Variants in SMPDL3B observed in about 807,000 individuals in gnomAD.
SMPDL3B encodes sphingomyelin phosphodiesterase acid like 3B.
A neutral mutation model predicts 37.9 loss-of-function variants in SMPDL3B; 31 were observed. The observed-to-expected ratio is 0.82, with a 90% CI of 0.61 to 1.10. The LOEUF is 1.10. SMPDL3B is among the 50% of genes least tolerant of loss of function. The pLI, the probability that SMPDL3B is intolerant of heterozygous loss-of-function variation, is 0.00. For synonymous variants in SMPDL3B, 235 were observed against 242.6 expected, an observed-to-expected ratio of 0.97 and a Z score of 0.29; for missense variants, 525 against 597.8, an observed-to-expected ratio of 0.88 and a Z score of 1.27.
At position 27,958,380 on chromosome 1, in the gene SMPDL3B, A is replaced by G; in HGVS notation, c.1006-96A>G. ...TCAATAACTACTAGTGGTCATGGTC[A>G]CTGCTCTAAAGAACTTGGGGGCAAA... On this transcript the variant is annotated intron_variant, in intron 7 of 7. Transcript: ENST00000373894. The surrounding 1 kb of genome is among the most constrained non-coding windows in gnomAD (Gnocchi z 5.6). 5 of 1,480,036 alleles carry G rather than the reference A, an allele frequency of 3.4e-6. No homozygotes were observed. The highest frequency in any genetic ancestry group is 4.5e-6 in the Non-Finnish European group (5 of 1,102,654). The allele number at this position is 1,480,036 out of a possible 1,614,324, so 91.7% of individuals were successfully genotyped here.
In SMPDL3B at chr1:27,945,385, ACTC is replaced by A. The variant is rs751294134; in HGVS notation, c.220_222del (p.Ser74del). 1.9e-6 allele frequency: 3 copies of A among 1,613,444 alleles called. No individual in the cohort carries two copies. In the African/African-American group the frequency reaches 4.0e-5, roughly 22 times the overall value. ...TGTGATTCTCCCTGGGCCCTCATCA[ACTC>A]CTCCATCTATGCCATGAAGGAGATT... On this transcript the variant is annotated inframe_deletion, in exon 2 of 8. Transcript: ENST00000373894. This position sits in a 1 kb window ranked among gnomAD's most constrained non-coding sequence, Gnocchi z 4.0.
In SMPDL3B at chr1:27,956,076, C is replaced by T. The variant is rs780997045; in HGVS notation, c.999C>T (p.Ser333=). 2 of 1,614,128 alleles carry T rather than the reference C, an allele frequency of 1.2e-6. No homozygotes were observed. Among genetic ancestry groups the T allele is most frequent in the Non-Finnish European group, 8.5e-7 (1 of 1,180,010 alleles). The change falls in exon 7 of 8, where the codon AGC becomes AGT. Residue 333 remains serine, a synonymous_variant. Transcript: ENST00000373894. ...RVFEYDRATL[S]LKDMVTYFMN... ...TCGAATATGACCGAGCCACACTGAG[C>T]CTGAAGGTCAGGAGTCCTGCGGAGG...
intron 1 of SMPDL3B, chr1:27,936,743 A>G (rs4988881): frequency 0.39 from 59,580 of 151,860 alleles, 12,121 homozygotes; most frequent in South Asian, 0.55. Flanking sequence ...TCCGGGCCGG[A>G]TGCGGTGGCT....
In SMPDL3B at chr1:27,935,137, C is replaced by G. The variant is rs375980057; in HGVS notation, c.-47C>G. ...CTTAGGAAGCCTGTGGTGAGAACAA[C>G]AACAGTGCCTGAGAATCCCACGGCT... On this transcript the variant is annotated 5_prime_UTR_variant, in exon 1 of 8. Coordinates refer to ENST00000373894, the MANE Select transcript of SMPDL3B (RefSeq NM_014474.4). 277 of 1,482,482 alleles carry G rather than the reference C, an allele frequency of 1.9e-4. No individual in the cohort carries two copies. Among genetic ancestry groups the G allele is most frequent in the Non-Finnish European group, 2.4e-4 (256 of 1,071,142 alleles). 91.8% of individuals were successfully genotyped at this position (1,482,482 alleles called of 1,614,324 possible). A position where few individuals can be genotyped will look rare whatever the true frequency, so the allele number is the denominator to read the frequency against.
chr1:27,945,342 C>G lies in SMPDL3B; in HGVS notation c.172C>G (p.Pro58Ala). The change falls in exon 2 of 8, where the codon CCC (proline) becomes GCC (alanine). Residue 58 changes from proline to alanine, a missense_variant. Coordinates refer to ENST00000373894, the MANE Select transcript of SMPDL3B (RefSeq NM_014474.4). This position sits in a 1 kb window ranked among gnomAD's most constrained non-coding sequence, Gnocchi z 4.0. ...AGSQPVPDAG[P>A]WGDYLCDSPW... The stretch of plus-strand genomic sequence containing the variant: ...ATCCCAGCCAGTGCCCGACGCAGGC[C>G]CCTGGGGTGACTACCTCTGTGATTC... 1 of 1,614,158 alleles carries G rather than the reference C, an allele frequency of 6.2e-7. No individual in the cohort carries two copies. Among genetic ancestry groups the G allele is most frequent in the South Asian group, 1.1e-5 (1 of 91,078 alleles).
intron 3 of SMPDL3B, among the ~76,000 whole-genome samples, 174 bp downstream of exon 3, chr1:27,949,336 C>T (rs1482224636): frequency 6.6e-6 from 1 of 152,218 alleles, no homozygotes; most frequent in Non-Finnish European, 1.5e-5. Flanking sequence ...AGCCCGAAGG[C>T]AACATGCAAG....
chr1:27,953,330 T>G lies in SMPDL3B; in HGVS notation c.489T>G (p.Ser163Arg). ...QIAELWKPWLSNESIALFKKG... is the reference protein window; with the variant it reads ...QIAELWKPWLRNESIALFKKG... ...CAGAACTATGGAAACCCTGGCTTAG[T>G]AATGAGTCCATCGCTCTCTTCAAAA... The change falls in exon 4 of 8, where the codon AGT (serine) becomes AGG (arginine). Residue 163 changes from serine to arginine, a missense_variant. Physicochemically the swap from Ser to Arg is moderately radical, Grantham distance 110. Transcript: ENST00000373894. The G allele has an allele frequency of 6.2e-7, 1 of 1,613,982 alleles. No individual in the cohort carries two copies. Among genetic ancestry groups the G allele is most frequent in the Non-Finnish European group, 8.5e-7 (1 of 1,179,918 alleles).
chr1:27,938,644 C>T (rs2090328799), intron 1 of SMPDL3B, among the ~76,000 whole-genome samples: 1 of 152,212 alleles, frequency 6.6e-6, no homozygotes, highest in African/African-American at 2.4e-5. Context: ...ACGAAGATTC[C>T]ACTAAGCTGT....
At chr1:27,948,356 T>A (rs1204617614) in intron 2 of SMPDL3B, among the ~76,000 whole-genome samples, 1 of 152,116 alleles carries the variant, frequency 6.6e-6, no homozygotes, top group Non-Finnish European at 1.5e-5. Flanking sequence ...AATACTATTA[T>A]GCTAATTAGT....
chr1:27,941,946 C>G (rs2090363071), intron 1 of SMPDL3B, among the ~76,000 whole-genome samples: 2 of 152,150 alleles, frequency 1.3e-5, no homozygotes, highest in Non-Finnish European at 2.9e-5. Flanking sequence ...CTCTGGCTCT[C>G]TCCACCATTC....
Position 27,955,927 on chromosome 1 carries a change from CCTG to C in SMPDL3B, c.872-18_872-16del. Reference sequence around the variant, plus strand: ...CCTTCTCTCCCCAGACCCGCTCAGTCCTGCTGTCTCTCTCCTGACAGGTGTCCC... The same window carrying C: ...CCTTCTCTCCCCAGACCCGCTCAGTCCTGTCTCTCTCCTGACAGGTGTCCC... On this transcript the variant is annotated intron_variant, in intron 6 of 7. Coordinates refer to ENST00000373894, the MANE Select transcript of SMPDL3B (RefSeq NM_014474.4). The C allele has an allele frequency of 6.2e-7, 1 of 1,613,828 alleles. No individual in the cohort carries two copies. The highest frequency in any genetic ancestry group is 8.5e-7 in the Non-Finnish European group (1 of 1,179,810).
At chr1:27,937,600 C>G (rs1431903135) in intron 1 of SMPDL3B, among the ~76,000 whole-genome samples, 3 of 152,140 alleles carry the variant, frequency 2.0e-5, no homozygotes, top group Non-Finnish European at 2.9e-5. Context: ...TAGGCAATAA[C>G]AGACAAAAGC....
At position 27,958,878 on chromosome 1, in the gene SMPDL3B, G is replaced by T; in HGVS notation, c.*40G>T. ...CTTCTTCCTGGTAACGGGTAACGGG[G>T]GCAGCGCCCAGGATCACCCAGAGCT... On this transcript the variant is annotated 3_prime_UTR_variant, in exon 8 of 8. Coordinates refer to ENST00000373894, the MANE Select transcript of SMPDL3B (RefSeq NM_014474.4). The surrounding 1 kb of genome is among the most constrained non-coding windows in gnomAD (Gnocchi z 5.6). 1 of 1,510,504 alleles carries T rather than the reference G, an allele frequency of 6.6e-7. No homozygotes were observed. Among genetic ancestry groups the T allele is most frequent in the Middle Eastern group, 2.3e-4 (1 of 4,332 alleles). 93.6% of individuals were successfully genotyped at this position (1,510,504 alleles called of 1,614,324 possible). A position where few individuals can be genotyped will look rare whatever the true frequency, so the allele number is the denominator to read the frequency against.
At chr1:27,938,316 C>T (rs1362288621) in intron 1 of SMPDL3B, among the ~76,000 whole-genome samples, 1 of 152,222 alleles carries the variant, frequency 6.6e-6, no homozygotes, top group Admixed American at 6.5e-5. Context: ...AACTAAGGCT[C>T]AGCTCTGAAA....
intron 1 of SMPDL3B, chr1:27,942,202 C>A: frequency 4.7e-6 from 2 of 428,162 alleles, no homozygotes; most frequent in Admixed American, 2.8e-5. Flanking sequence ...AGGGGCCAAA[C>A]TGCTCAGTGT....
intron 3 of SMPDL3B, among the ~76,000 whole-genome samples, chr1:27,950,716 AC>A (rs2090449157): frequency 6.6e-6 from 1 of 151,886 alleles, no homozygotes; most frequent in Admixed American, 6.6e-5. Context: ...TGCAACCTCC[AC>A]CCCCATGGGT....
At chr1:27,943,598 C>CAATAGCAG (rs1183233335) in intron 1 of SMPDL3B, among the ~76,000 whole-genome samples, 1 of 152,094 alleles carries the variant, frequency 6.6e-6, no homozygotes, top group Non-Finnish European at 1.5e-5. Flanking sequence ...GAAGTGATTG[C>CAATAGCAG]AATAGCAGAG....
rs138724868 is a variant in SMPDL3B at position 27,955,709 on chromosome 1, C to T, written c.716C>T (p.Pro239Leu). 1.5e-5 allele frequency: 25 copies of T among 1,613,814 alleles called. No individual in the cohort carries two copies. The highest frequency in any genetic ancestry group is 4.5e-5 in the East Asian group (2 of 44,884). The change falls in exon 6 of 8, where the codon CCG (proline) becomes CTG (leucine). Residue 239 changes from proline to leucine, a missense_variant. Physicochemically the swap from Pro to Leu is moderately conservative, Grantham distance 98 (BLOSUM62 -3). Transcript: ENST00000373894. ...DMVYIVGHVP[P>L]GFFEKTQNKA... ...GTGTACATTGTCGGCCACGTGCCCC[C>T]GGGGTTCTTTGAGAAGACGCAAAAC...
Position 27,949,126 on chromosome 1 carries a change from G to C in SMPDL3B, c.337G>C (p.Glu113Gln), listed in dbSNP as rs774063860. 1 of 1,614,224 alleles carries C rather than the reference G, an allele frequency of 6.2e-7. No individual in the cohort carries two copies. Among genetic ancestry groups the C allele is most frequent in the Non-Finnish European group, 8.5e-7 (1 of 1,180,030 alleles). The part of the protein sequence containing the change: ...LGEAAVLEIV[E>Q]RLTKLIREVF... The stretch of plus-strand genomic sequence containing the variant: ...AGAGGCAGCTGTACTGGAAATTGTG[G>C]AACGCCTGACCAAGCTCATCAGAGA... Residue 113 changes from glutamate (E) to glutamine (Q), a missense_variant, in exon 3 of 8, where the codon GAA (glutamate) becomes CAA (glutamine). Physicochemically the swap from Glu to Gln is conservative, Grantham distance 29 (BLOSUM62 2). Coordinates refer to ENST00000373894, the MANE Select transcript of SMPDL3B (RefSeq NM_014474.4).
Sources: allele counts gnomAD v4.1 joint callset (sites outside exome capture counted in the v4.1 genomes callset), GRCh38; gene constraint gnomAD v4.1.1; non-coding constraint Gnocchi (gnomAD v3.1); transcripts MANE v1.5; gene names NCBI Gene and HGNC (gene_info 2026-07-23, HGNC 2026-07-21).